NTAQ1: variants seen among roughly 807,000 people sequenced by gnomAD.
NTAQ1 encodes protein N-terminal glutamine amidohydrolase.
In NTAQ1, 21 loss-of-function variants were observed where a neutral mutation model predicts 28.2. The ratio of observed to expected loss-of-function variants is 0.74; its 90% CI spans 0.53 to 1.07. The LOEUF is 1.07. Ranked by LOEUF, NTAQ1 falls within the 50% of genes least tolerant of loss-of-function variation. The pLI, the probability that NTAQ1 is intolerant of heterozygous loss-of-function variation, is 0.00. For synonymous variants in NTAQ1, 105 were observed against 90.0 expected (o/e 1.17, Z -0.94); for missense variants, 264 against 256.6 (o/e 1.03, Z -0.20).
chr8:123,419,317 T>C (rs1213483706), intron 1 of NTAQ1, among the ~76,000 whole-genome samples: 6 of 152,078 alleles, frequency 3.9e-5, no homozygotes, highest in Non-Finnish European at 7.4e-5. Context: ...TGGGCTGGTC[T>C]TGAACTCCTG....
chr8:123,428,025 T>TA lies in NTAQ1; in HGVS notation c.183+4dup, dbSNP rs1355576353. 1.9e-6 allele frequency: 3 copies of TA among 1,590,380 alleles called. No homozygotes were observed. The African/African-American group carries it at 4.1e-5, about 22-fold the overall frequency. ...TTCATATCTAATGAGAGGAAGATGGTAAGTTGGTGAGTGATTGCAGAAAGA... is the reference window on the plus strand; with the variant it reads ...TTCATATCTAATGAGAGGAAGATGGTAAAGTTGGTGAGTGATTGCAGAAAGA... On this transcript the variant is annotated splice_region_variant and intron_variant, in intron 2 of 5. Transcript: ENST00000287387.
downstream of NTAQ1, among the ~76,000 whole-genome samples, chr8:123,472,464 C>T (rs1455741628): frequency 2.6e-5 from 4 of 152,202 alleles, no homozygotes; most frequent in African/African-American, 9.7e-5. Flanking sequence ...CATGCTCCAT[C>T]TGAAGTTGTC....
At chr8:123,448,361 C>G (rs942959120), downstream of NTAQ1, 7 of 152,176 alleles carry the variant, frequency 4.6e-5, no homozygotes, top group Admixed American at 3.3e-4. Flanking sequence ...GCCTGTAATC[C>G]CAGCACTTTG....
At chr8:123,459,561 G>A (rs1225107207) in intron 6 of NTAQ1, among the ~76,000 whole-genome samples, 1 of 152,072 alleles carries the variant, frequency 6.6e-6, no homozygotes, top group Admixed American at 6.5e-5. Context: ...CTCACCAAGA[G>A]TCCCCTTATT....
chr8:123,475,273 A>G, the NTAQ1 span, among the ~76,000 whole-genome samples: 1 of 152,162 alleles, frequency 6.6e-6, no homozygotes, highest in South Asian at 2.1e-4. Flanking sequence ...TTTGATGCTT[A>G]CTTTTTAATC....
At chr8:123,469,130 A>C (rs1361101392) in exon 7 of NTAQ1, among the ~76,000 whole-genome samples, 3 of 152,174 alleles carry the variant, frequency 2.0e-5, no homozygotes, top group Non-Finnish European at 4.4e-5. Flanking sequence ...GTCCCTTCTC[A>C]GATGTATTAT....
chr8:123,455,980 A>C (rs554777182), intron 6 of NTAQ1, among the ~76,000 whole-genome samples: 2 of 152,212 alleles, frequency 1.3e-5, no homozygotes, highest in South Asian at 4.1e-4. Flanking sequence ...AAAATGTGCT[A>C]ATACTCTTGA....
chr8:123,459,754 G>A (rs35417036), intron 6 of NTAQ1, among the ~76,000 whole-genome samples: 2 of 151,080 alleles, frequency 1.3e-5, no homozygotes, highest in African/African-American at 2.4e-5. Flanking sequence ...AAGGGTTTTC[G>A]AAGCTCTGTG....
At chr8:123,425,471 C>CCT (rs1487710604) in intron 1 of NTAQ1, among the ~76,000 whole-genome samples, 10 of 143,276 alleles carry the variant, frequency 7.0e-5, no homozygotes, top group African/African-American at 2.3e-4. Context: ...CACCCCCCCA[C>CCT]TTTTTTTTTT....
the NTAQ1 span, among the ~76,000 whole-genome samples, chr8:123,475,165 G>A: frequency 6.6e-5 from 10 of 151,824 alleles, no homozygotes; most frequent in Non-Finnish European, 1.5e-4. Flanking sequence ...TATTTATTTT[G>A]TTGCTCCAGT....
chr8:123,449,909 A>ATG (rs1460283962), downstream of NTAQ1, among the ~76,000 whole-genome samples: 38 of 42,476 alleles, frequency 8.9e-4, 2 homozygotes, highest in African/African-American at 2.5e-3. Context: ...CCATATGTAT[A>ATG]TATGTGTGTG....
downstream of NTAQ1, among the ~76,000 whole-genome samples, chr8:123,471,098 AT>A (rs112937322): frequency 1.3e-3 from 187 of 143,842 alleles, no homozygotes; most frequent in Non-Finnish European, 1.5e-3. Flanking sequence ...TTAAAAAAAG[AT>A]TTTTTTTTTT....
At chr8:123,449,929 A>ATATGTG (rs1554657623), downstream of NTAQ1, among the ~76,000 whole-genome samples, 2 of 66,676 alleles carry the variant, frequency 3.0e-5, no homozygotes, top group Admixed American at 2.0e-4. Context: ...GTATATATAT[A>ATATGTG]TGTGTGTGTG....
chr8:123,451,239 A>C (rs575115418), downstream of NTAQ1, among the ~76,000 whole-genome samples: 1 of 152,324 alleles, frequency 6.6e-6, no homozygotes, highest in African/African-American at 2.4e-5. Context: ...TGACGTATCT[A>C]GAGCTGACTG....
chr8:123,426,121 A>G (rs761713712), intron 1 of NTAQ1, among the ~76,000 whole-genome samples: 1 of 152,252 alleles, frequency 6.6e-6, no homozygotes, highest in Non-Finnish European at 1.5e-5. Context: ...AGGTGCGTGT[A>G]TCTTACTAGA....
chr8:123,419,317 T>A (rs1213483706), intron 1 of NTAQ1, among the ~76,000 whole-genome samples: 1 of 152,078 alleles, frequency 6.6e-6, no homozygotes, highest in South Asian at 2.1e-4. Context: ...TGGGCTGGTC[T>A]TGAACTCCTG....
At chr8:123,424,091 G>A (rs1333152491) in intron 1 of NTAQ1, among the ~76,000 whole-genome samples, 1 of 26,824 alleles carries the variant, frequency 3.7e-5, no homozygotes, top group South Asian at 1.2e-3. Context: ...TTTTTTTTTT[G>A]AGATGAAGTC....
At chr8:123,430,623 AT>A (rs1456292202) in intron 3 of NTAQ1, among the ~76,000 whole-genome samples, 4 of 152,172 alleles carry the variant, frequency 2.6e-5, no homozygotes, top group Non-Finnish European at 4.4e-5. Flanking sequence ...ACTAAAAAAA[AT>A]ACAAAGATTA....
chr8:123,449,949 G>GTGTGTGTGTGTA (rs772958901), downstream of NTAQ1, among the ~76,000 whole-genome samples: 1 of 8,210 alleles, frequency 1.2e-4, no homozygotes, highest in African/African-American at 2.4e-4. Context: ...GTGTGTGTGT[G>GTGTGTGTGTGTA]CATATATATA....
Sources: gnomAD v4.1 joint callset for allele counts (sites outside exome capture counted in the v4.1 genomes callset) on GRCh38, gnomAD v4.1.1 for gene constraint, MANE v1.5 for transcripts, NCBI Gene and HGNC (gene_info 2026-07-23, HGNC 2026-07-21) for gene names.